ANK2: variants seen among roughly 807,000 people sequenced by gnomAD.
The protein encoded by ANK2 is ankyrin 2, also known as ankyrin-2.
In ANK2, 83 loss-of-function variants were observed where a neutral mutation model predicts 360.5. The observed-to-expected ratio is 0.23, with a 90% confidence interval of 0.19 to 0.28. The LOEUF is 0.28. ANK2 is among the 10% of genes least tolerant of loss of function. The pLI, the probability that ANK2 is intolerant of heterozygous loss-of-function variation, is 1.00. For missense variants in ANK2, 4,201 were observed against 4,795.7 expected (o/e 0.88, Z 3.66); for synonymous variants, 1,740 against 1,759.5 (o/e 0.99, Z 0.28).
intron 18 of ANK2, among the ~76,000 whole-genome samples, chr4:113,285,059 T>C (rs1361890196): frequency 6.6e-6 from 1 of 152,112 alleles, no homozygotes; most frequent in Non-Finnish European, 1.5e-5. Flanking sequence ...CGTCGTTGGG[T>C]CCACCAGTGT....
At chr4:113,146,783 C>A (rs2096851827) in intron 1 of ANK2, among the ~76,000 whole-genome samples, 1 of 151,838 alleles carries the variant, frequency 6.6e-6, no homozygotes, top group African/African-American at 2.4e-5. Context: ...CACCTTATTG[C>A]AAGTTATTTA....
intron 8 of ANK2, 42 bp downstream of exon 8, chr4:113,240,625 G>A: frequency 6.6e-7 from 1 of 1,523,354 alleles, no homozygotes; most frequent in Non-Finnish European, 9.1e-7. Context: ...AGCAGTAAAT[G>A]AATATTTTAA....
chr4:113,088,451 T>A (rs1191146205), intron 1 of ANK2, among the ~76,000 whole-genome samples: 2 of 152,188 alleles, frequency 1.3e-5, no homozygotes, highest in African/African-American at 2.4e-5. Context: ...GTGGAAGCGT[T>A]TACCTATATA....
In ANK2 at chr4:113,249,749, T is replaced by C. The variant is rs1181898653; in HGVS notation, c.892-15T>C. ...TGAAGTGAACTTGGGCCTAATTCTT[T>C]AATTCTTTTGGCAGGATGGGTTGAC... On this transcript the variant is annotated splice_polypyrimidine_tract_variant and intron_variant, in intron 9 of 45. Transcript: ENST00000357077. 2 of 1,613,686 alleles carry C rather than the reference T, an allele frequency of 1.2e-6. No individual in the cohort carries two copies. Among genetic ancestry groups the C allele is most frequent in the Admixed American group, 1.7e-5 (1 of 60,010 alleles).
Position 113,357,535 on chromosome 4 carries a change from G to C in ANK2, c.8917G>C (p.Val2973Leu), listed in dbSNP as rs1459772125. 6.2e-7 allele frequency: 1 copy of C among 1,614,000 alleles called. No homozygotes were observed. Among genetic ancestry groups the C allele is most frequent in the African/African-American group, 1.3e-5 (1 of 74,920 alleles). ...CACATCCCCTGTTGAAGACGTTGTA[G>C]TGGCAAGCTCCTCTAGTGGAACTGT... ...TITSPVEDVV[V>L]ASSSSGTVLS... The change falls in exon 38 of 46, where the codon GTG becomes CTG. Residue 2973 changes from valine (V) to leucine (L), a missense_variant. Transcript: ENST00000357077.
rs559372080 is a variant in ANK2 at position 113,361,220 on chromosome 4, TAA to T, written c.10756+324_10756+325del. Among the ~76,000 whole-genome samples the T allele has an allele frequency of 9.8e-4, 150 of 152,294 alleles. 1 individual carries two copies. The highest frequency in any genetic ancestry group is 3.0e-3 in the African/African-American group (126 of 41,572). ...TATGTTTCAAAATCATTTTTAGATG[TAA>T]TTTTTATCAAATTTAATGTGAGATT... On this transcript the variant is annotated intron_variant, in intron 39 of 45. Transcript: ENST00000357077.
At chr4:113,037,029 T>C (rs2061756971) in intron 2 of ANK2, among the ~76,000 whole-genome samples, 1 of 151,974 alleles carries the variant, frequency 6.6e-6, no homozygotes, top group Non-Finnish European at 1.5e-5. Context: ...ACAAATATGC[T>C]GATGCTAATG....
chr4:112,895,661 A>G (rs1407834577), intron 1 of ANK2, among the ~76,000 whole-genome samples: 1 of 152,160 alleles, frequency 6.6e-6, no homozygotes, highest in African/African-American at 2.4e-5. Flanking sequence ...TGAGTGATAC[A>G]ATCATGCCAA....
At chr4:113,368,244 A>G (rs187684014) in intron 42 of ANK2, among the ~76,000 whole-genome samples, 1 of 152,318 alleles carries the variant, frequency 6.6e-6, no homozygotes, top group Non-Finnish European at 1.5e-5. Context: ...ATATTGCTGC[A>G]CCTCATTTGC....
chr4:113,009,502 G>A (rs1192595212), intron 2 of ANK2, among the ~76,000 whole-genome samples: 2 of 152,138 alleles, frequency 1.3e-5, no homozygotes, highest in Non-Finnish European at 2.9e-5. Flanking sequence ...TTAGAGCCCT[G>A]AAATATGTCT....
At chr4:112,900,386 A>T (rs1200343347) in intron 1 of ANK2, among the ~76,000 whole-genome samples, 1 of 152,180 alleles carries the variant, frequency 6.6e-6, no homozygotes, top group Admixed American at 6.5e-5. Flanking sequence ...TCAGATCAGG[A>T]TCCGAACATG....
chr4:113,238,297 G>A (rs1283040923), intron 7 of ANK2, among the ~76,000 whole-genome samples: 2 of 152,092 alleles, frequency 1.3e-5, no homozygotes, highest in Non-Finnish European at 2.9e-5. Context: ...ACACTAACAC[G>A]AACATTGTTG....
chr4:113,109,907 AGCTCAAACAT>A (rs2094108630), intron 1 of ANK2, among the ~76,000 whole-genome samples: 1 of 152,206 alleles, frequency 6.6e-6, no homozygotes, highest in Admixed American at 6.5e-5. Flanking sequence ...CACACAAAAA[AGCTCAAACAT>A]GCTTTACCTC....
At chr4:113,278,080 C>G in intron 16 of ANK2, 145 bp downstream of exon 16, 1 of 826,262 alleles carries the variant, frequency 1.2e-6, no homozygotes, top group South Asian at 1.5e-5. Flanking sequence ...CGATGTCTTC[C>G]ATGACCGTCC....
chr4:113,355,573 A>G lies in ANK2; in HGVS notation c.6955A>G (p.Thr2319Ala), dbSNP rs2095702383. Residue 2319 changes from threonine (T) to alanine (A), a missense_variant, in exon 38 of 46, where the codon ACA becomes GCA. Physicochemically the swap from Thr to Ala is moderately conservative, Grantham distance 58. This residue lies in a region of ANK2 where 2,642 missense variants were observed against 2,714.5 expected (regional missense o/e 0.97). Transcript: ENST00000357077. ...KEATLGSPKD[T>A]SPKRQDDCTG... is the part of the protein sequence containing the mutation. ...GGCCACTCTAGGCTCTCCCAAAGAC[A>G]CAAGCCCTAAAAGACAAGATGATTG... is the stretch of plus-strand genomic sequence containing the variant. 1 of 1,614,122 alleles carries G rather than the reference A, an allele frequency of 6.2e-7. No homozygotes were observed. Among genetic ancestry groups the G allele is most frequent in the Non-Finnish European group, 8.5e-7 (1 of 1,179,978 alleles).
intron 1 of ANK2, among the ~76,000 whole-genome samples, chr4:113,140,645 T>C (rs543098431): frequency 6.6e-6 from 1 of 152,278 alleles, no homozygotes; most frequent in South Asian, 2.1e-4. Context: ...TGGCAATTTT[T>C]TTTTCAGTCT....
chr4:113,225,481 T>A (rs1256069285), intron 4 of ANK2, among the ~76,000 whole-genome samples: 1 of 152,156 alleles, frequency 6.6e-6, no homozygotes, highest in Non-Finnish European at 1.5e-5. Flanking sequence ...TCACTCTTTT[T>A]AAGCCAACCA....
intron 29 of ANK2, 84 bp downstream of exon 29, chr4:113,333,292 G>GTGTATA: frequency 1.3e-6 from 2 of 1,483,040 alleles, no homozygotes. Flanking sequence ...CTAGGGGTGT[G>GTGTATA]TGTATATGTG....
At chr4:112,757,513 A>C in the ANK2 span, among the ~76,000 whole-genome samples, 1 of 152,226 alleles carries the variant, frequency 6.6e-6, no homozygotes, top group African/African-American at 2.4e-5. Context: ...GGTATTTTAC[A>C]CACATTAATT....
Sources: allele counts gnomAD v4.1 joint callset (sites outside exome capture counted in the v4.1 genomes callset), GRCh38; gene constraint gnomAD v4.1.1; regional missense constraint gnomAD v4.1.1; transcripts MANE v1.5; gene names NCBI Gene and HGNC (gene_info 2026-07-23, HGNC 2026-07-21).